The following ROR1 variants were observed in gnomAD, a reference collection of about 807,000 sequenced individuals.
ROR1 encodes inactive tyrosine-protein kinase transmembrane receptor ROR1.
Under a neutral mutation model 78.8 loss-of-function variants are expected in ROR1, and 19 were observed. The observed-to-expected ratio is 0.24, with a 90% confidence interval of 0.17 to 0.35. ROR1 has a LOEUF of 0.35. Ranked by LOEUF, ROR1 falls within the 10% of genes least tolerant of loss-of-function variation. ROR1 has a pLI of 1.00. For synonymous variants in ROR1, 386 were observed against 433.6 expected, an observed-to-expected ratio of 0.89 and a Z score of 1.36; for missense variants, 917 against 1,177.8, an observed-to-expected ratio of 0.78 and a Z score of 3.24.
At chr1:64,022,604 C>T (rs1431311644) in intron 2 of ROR1, among the ~76,000 whole-genome samples, 3 of 152,210 alleles carry the variant, frequency 2.0e-5, no homozygotes, top group African/African-American at 7.2e-5. Context: ...AAGGTAACCC[C>T]AGGCCATTCA....
chr1:64,123,938 C>T (rs1032019183), intron 4 of ROR1, among the ~76,000 whole-genome samples: 1 of 152,028 alleles, frequency 6.6e-6, no homozygotes, highest in African/African-American at 2.4e-5. Flanking sequence ...GGATGTTTAT[C>T]TCAACATTTT....
chr1:63,876,094 A>C (rs1452767084), intron 1 of ROR1, among the ~76,000 whole-genome samples: 2 of 152,206 alleles, frequency 1.3e-5, no homozygotes, highest in East Asian at 3.9e-4. Flanking sequence ...AAGCCAGTTA[A>C]ATAGAGGAGT....
chr1:63,821,568 A>G (rs1380697108), intron 1 of ROR1, among the ~76,000 whole-genome samples: 1 of 152,192 alleles, frequency 6.6e-6, no homozygotes, highest in Non-Finnish European at 1.5e-5. Context: ...CTTTGGCCCA[A>G]AAGGAGAAAA....
At chr1:64,014,665 A>G (rs1249116091) in intron 2 of ROR1, among the ~76,000 whole-genome samples, 2 of 138,112 alleles carry the variant, frequency 1.4e-5, no homozygotes, top group African/African-American at 5.4e-5. Flanking sequence ...AAAAAAAAAA[A>G]ATACTGAGGC....
intron 1 of ROR1, among the ~76,000 whole-genome samples, chr1:63,946,819 AG>A (rs758445844): frequency 1.8e-4 from 28 of 152,296 alleles, no homozygotes; most frequent in Admixed American, 1.3e-3. Flanking sequence ...ACTGGTACAA[AG>A]GATATCCTAA....
chr1:63,930,667 C>T (rs1275846012), intron 1 of ROR1, among the ~76,000 whole-genome samples: 1 of 152,182 alleles, frequency 6.6e-6, no homozygotes, highest in East Asian at 1.9e-4. Flanking sequence ...ATCATATTTC[C>T]TGACCATCGC....
chr1:63,786,571 C>CTTTTT (rs10530236), intron 1 of ROR1, among the ~76,000 whole-genome samples: 2 of 113,338 alleles, frequency 1.8e-5, no homozygotes, highest in Non-Finnish European at 3.6e-5. Flanking sequence ...CGCGCCTGGC[C>CTTTTT]TTTTTTTTTT....
chr1:64,010,939 A>G (rs1368732341), intron 2 of ROR1, among the ~76,000 whole-genome samples: 1 of 152,192 alleles, frequency 6.6e-6, no homozygotes, highest in Non-Finnish European at 1.5e-5. Context: ...TCTTTCCTTT[A>G]TAAATTACCC....
chr1:63,882,772 C>G (rs1023374107), intron 1 of ROR1, among the ~76,000 whole-genome samples: 3 of 152,288 alleles, frequency 2.0e-5, no homozygotes, highest in Non-Finnish European at 2.9e-5. Flanking sequence ...ATCATCCTGT[C>G]TCCTTCTGTC....
intron 1 of ROR1, among the ~76,000 whole-genome samples, chr1:63,965,060 A>C (rs529690557): frequency 2.8e-4 from 43 of 152,342 alleles, no homozygotes; most frequent in African/African-American, 9.9e-4. Context: ...TTGTTTGTTG[A>C]ACACTTTTAA....
chr1:63,927,579 T>C (rs1172889816), intron 1 of ROR1, among the ~76,000 whole-genome samples: 3 of 147,170 alleles, frequency 2.0e-5, no homozygotes, highest in Non-Finnish European at 4.5e-5. Context: ...AAAAATAGAG[T>C]AGCCTCTCTG....
Position 63,964,112 on chromosome 1 carries a change from A to C in ROR1, c.92-45193A>C, listed in dbSNP as rs150699872. On this transcript the variant is annotated intron_variant, in intron 1 of 8. Transcript: ENST00000371079. ...TTTAACAGCTACTCTGTAAGATATG[A>C]TCATCCTTATTTGACAAGTGAGGAA... Among the ~76,000 whole-genome samples the C allele has an allele frequency of 3.3e-5, 5 of 152,320 alleles. No individual in the cohort carries two copies. In the East Asian group the frequency reaches 9.6e-4, roughly 29 times the overall value.
At chr1:63,912,828 G>T (rs1280246007) in intron 1 of ROR1, among the ~76,000 whole-genome samples, 7 of 152,182 alleles carry the variant, frequency 4.6e-5, no homozygotes, top group African/African-American at 1.7e-4. Context: ...GGCAGAGGAG[G>T]AGAAATCTTC....
intron 4 of ROR1, among the ~76,000 whole-genome samples, chr1:64,055,537 T>C (rs1646866835): frequency 6.6e-6 from 1 of 152,222 alleles, no homozygotes; most frequent in Non-Finnish European, 1.5e-5. Flanking sequence ...AGAACAGTGC[T>C]GGTCACAAAA....
At chr1:63,887,332 G>A (rs572157578) in intron 1 of ROR1, among the ~76,000 whole-genome samples, 56 of 152,264 alleles carry the variant, frequency 3.7e-4, no homozygotes, top group African/African-American at 1.3e-3. Context: ...TTGAAATTGT[G>A]ATGGGGCTAA....
chr1:64,058,124 C>T (rs1439242595), intron 4 of ROR1, among the ~76,000 whole-genome samples: 1 of 152,100 alleles, frequency 6.6e-6, no homozygotes, highest in South Asian at 2.1e-4. Flanking sequence ...AATATCATCT[C>T]AGTTTATTCA....
chr1:63,859,138 G>C (rs1430875244), intron 1 of ROR1, among the ~76,000 whole-genome samples: 1 of 151,960 alleles, frequency 6.6e-6, no homozygotes, highest in Non-Finnish European at 1.5e-5. Context: ...TCCCTGGGTT[G>C]GGCGCCCCTC....
chr1:63,864,006 A>G (rs2100349464), intron 1 of ROR1, among the ~76,000 whole-genome samples: 1 of 152,286 alleles, frequency 6.6e-6, no homozygotes, highest in South Asian at 2.1e-4. Context: ...ACCATAGCAT[A>G]ATAGCAGCTA....
At chr1:63,787,519 CTTCT>C (rs1270994881) in intron 1 of ROR1, among the ~76,000 whole-genome samples, 2 of 122,834 alleles carry the variant, frequency 1.6e-5, no homozygotes, top group Non-Finnish European at 3.4e-5. Flanking sequence ...TCTTTCCTTC[CTTCT>C]CTTTTTTTTT....
Sources: gnomAD v4.1 joint callset for allele counts (sites outside exome capture counted in the v4.1 genomes callset) on GRCh38, gnomAD v4.1.1 for gene constraint, MANE v1.5 for transcripts, NCBI Gene and HGNC (gene_info 2026-07-23, HGNC 2026-07-21) for gene names.